Variants in CDCP1 observed in about 807,000 individuals in gnomAD.
CDCP1 encodes the protein CUB domain containing protein 1.
In CDCP1, 29 loss-of-function variants were observed where a neutral mutation model predicts 60.2. The observed-to-expected ratio is 0.48, with a 90% CI of 0.36 to 0.66. The LOEUF (loss-of-function observed/expected upper bound fraction) is 0.66. CDCP1 is among the 30% of genes least tolerant of loss of function. The pLI is 0.00. For synonymous variants in CDCP1, 387 were observed against 431.1 expected (o/e 0.90, Z 1.27); for missense variants, 876 against 1,074.3 (o/e 0.82, Z 2.58).
chr3:45,142,048 G>C (rs1410947408), intron 1 of CDCP1, among the ~76,000 whole-genome samples: 2 of 152,122 alleles, frequency 1.3e-5, no homozygotes, highest in African/African-American at 4.8e-5. Flanking sequence ...GGCCGGGCTG[G>C]TCTTGAACTC....
chr3:45,119,098 C>T (rs568673440), intron 1 of CDCP1, among the ~76,000 whole-genome samples: 15 of 152,184 alleles, frequency 9.9e-5, no homozygotes, highest in East Asian at 1.9e-4. Context: ...TACACACGTA[C>T]GTACATACAT....
intron 1 of CDCP1, among the ~76,000 whole-genome samples, chr3:45,129,523 ATT>A (rs1699052582): frequency 6.6e-6 from 1 of 152,230 alleles, no homozygotes; most frequent in Non-Finnish European, 1.5e-5. Flanking sequence ...TCACATTAAC[ATT>A]TTATGAAATG....
At chr3:45,135,198 T>TG (rs545384101) in intron 1 of CDCP1, among the ~76,000 whole-genome samples, 42 of 2,538 alleles carry the variant, frequency 0.017, no homozygotes, top group Middle Eastern at 0.5. Flanking sequence ...AAGATGAATA[T>TG]ACAAAAATTC....
At chr3:45,118,739 T>G in intron 1 of CDCP1, 118 bp from the exon 2 acceptor site, 1 of 738,346 alleles carries the variant, frequency 1.4e-6, no homozygotes, top group Non-Finnish European at 2.3e-6. Flanking sequence ...GTTCCTTCCC[T>G]CCTTTTCTGA....
In CDCP1 at chr3:45,085,731, G is replaced by A. The variant is rs766676055; in HGVS notation, c.2418C>T (p.Tyr806=). ...CCCCATTGTTGGGATGGGAGAAGGT[G>A]TACGGTTCACTCTCAGACTCAGGAG... is the stretch of plus-strand genomic sequence containing the variant. ...RSPPESESEP[Y]TFSHPNNGDV... The change falls in exon 9 of 9, where the codon TAC becomes TAT. Residue 806 remains tyrosine, a synonymous_variant. Coordinates refer to ENST00000296129, the MANE Select transcript of CDCP1 (RefSeq NM_022842.5). The surrounding 1 kb of genome is among the most constrained non-coding windows in gnomAD (Gnocchi z 4.2). 20 of 1,614,064 alleles carry A rather than the reference G, an allele frequency of 1.2e-5. No homozygotes were observed. Among genetic ancestry groups the A allele is most frequent in the East Asian group, 4.5e-5 (2 of 44,888 alleles).
intron 2 of CDCP1, among the ~76,000 whole-genome samples, chr3:45,116,406 T>C (rs1041783301): frequency 1.5e-4 from 20 of 135,910 alleles, no homozygotes; most frequent in African/African-American, 5.6e-4. Context: ...GGAGCCATAG[T>C]GTTCCGTTAA....
At chr3:45,125,524 T>C (rs1698962617) in intron 1 of CDCP1, among the ~76,000 whole-genome samples, 1 of 152,230 alleles carries the variant, frequency 6.6e-6, no homozygotes, top group Non-Finnish European at 1.5e-5. Context: ...ACCTACAAAG[T>C]GCTTAGAATG....
chr3:45,109,137 C>T (rs191873164), intron 4 of CDCP1, among the ~76,000 whole-genome samples: 28 of 150,906 alleles, frequency 1.9e-4, no homozygotes, highest in African/African-American at 6.6e-4. Context: ...TTTTGTAGGA[C>T]GGGGTTTTGC....
At chr3:45,101,886 C>A (rs377649638) in intron 4 of CDCP1, among the ~76,000 whole-genome samples, 788 of 110,218 alleles carry the variant, frequency 7.1e-3, no homozygotes, top group South Asian at 8.4e-3. Flanking sequence ...AACTCCAGCT[C>A]AAAAAAAAAA....
chr3:45,101,421 C>T (rs1297431757), intron 4 of CDCP1, among the ~76,000 whole-genome samples: 3 of 152,160 alleles, frequency 2.0e-5, no homozygotes, highest in African/African-American at 7.2e-5. Context: ...ACCCAACTGC[C>T]TCTCCTCTAG....
chr3:45,095,279 A>G (rs1698378808), intron 5 of CDCP1, 68 bp downstream of exon 5: 1 of 1,442,590 alleles, frequency 6.9e-7, no homozygotes, highest in Non-Finnish European at 9.7e-7. Flanking sequence ...AGGGAACCCC[A>G]CTAAGGCAAG....
chr3:45,146,031 G>C (rs1019853442), intron 1 of CDCP1, among the ~76,000 whole-genome samples, 175 bp downstream of exon 1: 1 of 151,954 alleles, frequency 6.6e-6, no homozygotes, highest in Non-Finnish European at 1.5e-5. Flanking sequence ...CGCAGGAACC[G>C]AACAGTCCGG....
intron 4 of CDCP1, among the ~76,000 whole-genome samples, chr3:45,106,833 T>C (rs897693063): frequency 6.6e-6 from 1 of 151,964 alleles, no homozygotes. Flanking sequence ...CCCAGGAGAT[T>C]TTCCTCTAGC....
At chr3:45,089,966 C>G (rs1047692070) in intron 7 of CDCP1, among the ~76,000 whole-genome samples, 1 of 152,080 alleles carries the variant, frequency 6.6e-6, no homozygotes, top group Non-Finnish European at 1.5e-5. Context: ...GAGGGGGAAC[C>G]CTGTACCAAA....
chr3:45,134,774 C>T (rs962006009), intron 1 of CDCP1, among the ~76,000 whole-genome samples: 19 of 152,248 alleles, frequency 1.2e-4, no homozygotes, highest in African/African-American at 4.6e-4. Flanking sequence ...CAACGTGGCA[C>T]ACTCCAGGAG....
intron 4 of CDCP1, among the ~76,000 whole-genome samples, chr3:45,098,038 G>A (rs1698430973): frequency 6.6e-6 from 1 of 151,858 alleles, no homozygotes; most frequent in South Asian, 2.1e-4. Context: ...CCACCCCAAA[G>A]CCGTGTTAGA....
intron 1 of CDCP1, among the ~76,000 whole-genome samples, chr3:45,138,196 G>A (rs4683058): frequency 0.98 from 149,106 of 152,338 alleles, 73,034 homozygotes; most frequent in East Asian, 1. Flanking sequence ...CTTGCTCACA[G>A]AACATTTTTT....
chr3:45,126,151 T>TC (rs1698987691), intron 1 of CDCP1, among the ~76,000 whole-genome samples: 1 of 142,652 alleles, frequency 7.0e-6, no homozygotes, highest in African/African-American at 2.7e-5. Flanking sequence ...TCTTTCTTTC[T>TC]TTCTTTCTTT....
Position 45,085,436 on chromosome 3 carries a change from A to T in CDCP1, c.*202T>A, listed in dbSNP as rs926566861. The T allele has an allele frequency of 2.7e-5, 16 of 594,938 alleles. No individual in the cohort carries two copies. Among genetic ancestry groups the T allele is most frequent in the Non-Finnish European group, 4.4e-5 (15 of 338,348 alleles). The allele number at this position is 594,938 out of a possible 1,614,324, so 36.9% of individuals were successfully genotyped here. A position where few individuals can be genotyped will look rare whatever the true frequency, so the allele number is the denominator to read the frequency against. On this transcript the variant is annotated 3_prime_UTR_variant, in exon 9 of 9. Coordinates refer to ENST00000296129, the MANE Select transcript of CDCP1 (RefSeq NM_022842.5). The surrounding 1 kb of genome is among the most constrained non-coding windows in gnomAD (Gnocchi z 4.2). ...GGAGCACATGAGCTGTCATGACTGT[A>T]TCCAGATTGGAATTCATCATTTTCA...
Sources: allele counts gnomAD v4.1 joint callset (sites outside exome capture counted in the v4.1 genomes callset), GRCh38; gene constraint gnomAD v4.1.1; non-coding constraint Gnocchi (gnomAD v3.1); transcripts MANE v1.5; gene names NCBI Gene and HGNC (gene_info 2026-07-23, HGNC 2026-07-21).